Variants in DIP2C observed in about 807,000 individuals in gnomAD.
DIP2C encodes the protein disco-interacting protein 2 homolog C.
A neutral mutation model predicts 192.4 loss-of-function variants in DIP2C; 33 were observed. The ratio of observed to expected loss-of-function variants is 0.17; its 90% CI spans 0.13 to 0.23. DIP2C has a LOEUF of 0.23. Among genes scored for constraint, DIP2C ranks in the 10% least tolerant of loss-of-function variants. DIP2C has a pLI of 1.00. For synonymous variants in DIP2C, 979 were observed against 864.1 expected, an observed-to-expected ratio of 1.13 and a Z score of -2.33; for missense variants, 1,537 against 2,110.1, an observed-to-expected ratio of 0.73 and a Z score of 5.32.
At chr10:485,001 T>C (rs573467174) in intron 2 of DIP2C, 65 of 1,525,382 alleles carry the variant, frequency 4.3e-5, no homozygotes, top group Admixed American at 2.0e-4. Flanking sequence ...TTTTTTTAAA[T>C]TTGTTACAGC....
chr10:365,578 C>T (rs563203707), intron 19 of DIP2C, among the ~76,000 whole-genome samples: 1 of 152,290 alleles, frequency 6.6e-6, no homozygotes, highest in East Asian at 1.9e-4. Context: ...AATGTATCCC[C>T]AAACAATTTA....
chr10:422,206 A>G (rs1308105380), intron 5 of DIP2C, among the ~76,000 whole-genome samples: 2 of 152,200 alleles, frequency 1.3e-5, no homozygotes, highest in Admixed American at 6.5e-5. Flanking sequence ...ACTTGATGAA[A>G]AACATTTACT....
intron 3 of DIP2C, among the ~76,000 whole-genome samples, chr10:441,609 C>T (rs185465255): frequency 1.6e-4 from 25 of 152,270 alleles, no homozygotes; most frequent in African/African-American, 5.1e-4. Context: ...TAGAGGTTTC[C>T]GCTTTTGCTT....
chr10:520,201 A>AG (rs1279345984), intron 1 of DIP2C, among the ~76,000 whole-genome samples: 1 of 152,216 alleles, frequency 6.6e-6, no homozygotes, highest in African/African-American at 2.4e-5. Context: ...ACATGCTTAC[A>AG]GGCAAAGTTT....
chr10:342,199 C>G (rs1958185001), intron 28 of DIP2C, among the ~76,000 whole-genome samples: 1 of 151,964 alleles, frequency 6.6e-6, no homozygotes, highest in Non-Finnish European at 1.5e-5. Context: ...TGCCCTGTCG[C>G]CCAGGCTGGA....
chr10:476,596 T>G (rs2133469520), intron 2 of DIP2C, among the ~76,000 whole-genome samples: 1 of 152,312 alleles, frequency 6.6e-6, no homozygotes, highest in East Asian at 1.9e-4. Flanking sequence ...GTCACCCTTG[T>G]GCGGTGTCTG....
intron 31 of DIP2C, among the ~76,000 whole-genome samples, chr10:315,544 A>G (rs181781645): frequency 6.6e-6 from 1 of 152,272 alleles, no homozygotes; most frequent in East Asian, 1.9e-4. Context: ...AGCACTTCTG[A>G]TGAGAACTCA....
intron 1 of DIP2C, among the ~76,000 whole-genome samples, chr10:562,792 T>A (rs1367562546): frequency 6.6e-6 from 1 of 152,172 alleles, no homozygotes; most frequent in East Asian, 1.9e-4. Context: ...GACAGATACA[T>A]TTGGAGAGGA....
Position 279,581 on chromosome 10 carries a change from C to G in DIP2C, c.4418+1619G>C, listed in dbSNP as rs1954704694. 2.0e-5 allele frequency among the ~76,000 whole-genome samples: 3 copies of G among 152,366 alleles called. No homozygotes were observed. In the South Asian group the frequency reaches 6.2e-4, roughly 32 times the overall value. On this transcript the variant is annotated intron_variant, in intron 36 of 36. Coordinates refer to ENST00000280886, the MANE Select transcript of DIP2C (RefSeq NM_014974.3). ...TTGAATTTGGCAACATGGAGAGTCC[C>G]ATTCCACAGCGCTGGGTGTCACAGC...
In DIP2C at chr10:283,393, G is replaced by A. The variant is rs771498229; in HGVS notation, c.4173C>T (p.Asp1391=). 7.4e-6 allele frequency: 12 copies of A among 1,614,166 alleles called. No homozygotes were observed. The South Asian group carries it at 9.9e-5, about 13-fold the overall frequency. The part of the protein sequence containing the change: ...NASGYFTIYG[D]ESLQSDHFNS... ...TGAAGTGATCTGACTGGAGGGATTC[G>A]TCTCCGTAAATAGTGAAATAACCGC... Residue 1391 remains aspartate (D), a synonymous_variant, in exon 35 of 37, where the codon GAC becomes GAT. Transcript: ENST00000280886.
intron 1 of DIP2C, among the ~76,000 whole-genome samples, chr10:583,939 G>A (rs1457341030): frequency 1.3e-5 from 2 of 152,190 alleles, no homozygotes; most frequent in Non-Finnish European, 2.9e-5. Flanking sequence ...AAGGAGAGCA[G>A]CTTTGAGCAG....
At chr10:578,636 G>C (rs150708862) in intron 1 of DIP2C, among the ~76,000 whole-genome samples, 1 of 152,190 alleles carries the variant, frequency 6.6e-6, no homozygotes, top group South Asian at 2.1e-4. Context: ...GTGCTAACGA[G>C]ATGGTGTGTT....
chr10:364,891 G>A, intron 19 of DIP2C: 1 of 584,202 alleles, frequency 1.7e-6, no homozygotes, highest in Non-Finnish European at 3.3e-6. Flanking sequence ...AGCAGTAACT[G>A]ATTACTTGGT....
intron 1 of DIP2C, among the ~76,000 whole-genome samples, chr10:615,028 G>C (rs1853358109): frequency 6.6e-6 from 1 of 152,228 alleles, no homozygotes; most frequent in Non-Finnish European, 1.5e-5. Flanking sequence ...TCCCACGCCA[G>C]CCAGAAACCA....
intron 1 of DIP2C, among the ~76,000 whole-genome samples, chr10:544,544 C>T (rs938070099): frequency 1.3e-5 from 2 of 152,158 alleles, no homozygotes; most frequent in Non-Finnish European, 2.9e-5. Flanking sequence ...ATTTTCCTTC[C>T]CCTCCCACTA....
At chr10:684,787 G>T (rs1831250822) in intron 1 of DIP2C, among the ~76,000 whole-genome samples, 1 of 152,140 alleles carries the variant, frequency 6.6e-6, no homozygotes, top group African/African-American at 2.4e-5. Context: ...GCAACGTGCA[G>T]GCTGTGTGAA....
At chr10:433,528 A>G (rs1966932087) in intron 4 of DIP2C, among the ~76,000 whole-genome samples, 1 of 152,106 alleles carries the variant, frequency 6.6e-6, no homozygotes, top group South Asian at 2.1e-4. Context: ...ATAGGAAAAA[A>G]AAAATAGCCA....
At chr10:532,522 GGTGT>G (rs1268895724) in intron 1 of DIP2C, among the ~76,000 whole-genome samples, 5 of 149,590 alleles carry the variant, frequency 3.3e-5, no homozygotes, top group Non-Finnish European at 6.0e-5. Context: ...ATTTTGTGTG[GGTGT>G]GTGAGAGAGT....
intron 1 of DIP2C, among the ~76,000 whole-genome samples, chr10:627,736 G>A (rs1026240255): frequency 1.3e-5 from 2 of 152,262 alleles, no homozygotes; most frequent in Non-Finnish European, 2.9e-5. Flanking sequence ...GCGAGGCTGC[G>A]CCCAAAAGCT....
Sources: allele counts gnomAD v4.1 joint callset (sites outside exome capture counted in the v4.1 genomes callset), GRCh38; gene constraint gnomAD v4.1.1; transcripts MANE v1.5; gene names NCBI Gene and HGNC (gene_info 2026-07-23, HGNC 2026-07-21).